The following MROH9 variants were observed in gnomAD, a reference collection of about 807,000 sequenced individuals.
MROH9 encodes the protein maestro heat like repeat family member 9, also known as maestro heat-like repeat-containing protein family member 9.
MROH9 carries 92 observed loss-of-function variants against 98.2 expected under a neutral mutation model. The observed-to-expected ratio is 0.94, with a 90% CI of 0.79 to 1.11. MROH9 has a LOEUF of 1.11. MROH9 is among the 50% of genes most tolerant of loss of function. The probability of loss-of-function intolerance (pLI) is 0.00; values close to 1 mark genes in which losing one functional copy is unlikely to be tolerated. For synonymous variants in MROH9, 397 were observed against 368.9 expected (o/e 1.08, Z -0.87); for missense variants, 1,057 against 1,014.8 (o/e 1.04, Z -0.57).
intron 15 of MROH9, among the ~76,000 whole-genome samples, chr1:171,009,715 A>T (rs1338854988): frequency 4.6e-5 from 7 of 152,316 alleles, no homozygotes; most frequent in African/African-American, 1.7e-4. Context: ...TCCATTTCTA[A>T]TGGTTTCTAA....
chr1:171,036,858 A>T lies in MROH9; in HGVS notation c.2281+11438A>T, dbSNP rs549013539. Among the ~76,000 whole-genome samples the T allele has an allele frequency of 6.0e-4, 91 of 151,890 alleles. 1 individual carries two copies. The highest frequency in any genetic ancestry group is 2.1e-3 in the African/African-American group (86 of 41,560). ...AACCCAAAGAATACATACTATTTATATATGGATGAAAGCAGACACTACTAA... is the reference window on the plus strand; with the variant it reads ...AACCCAAAGAATACATACTATTTATTTATGGATGAAAGCAGACACTACTAA... On this transcript the variant is annotated intron_variant, in intron 20 of 21. Coordinates refer to ENST00000367759, the MANE Select transcript of MROH9 (RefSeq NM_001163629.2).
At chr1:170,965,365 G>A in intron 7 of MROH9, 110 bp downstream of exon 7, 4 of 675,724 alleles carry the variant, frequency 5.9e-6, no homozygotes, top group East Asian at 5.4e-5. Flanking sequence ...TGGTATTATT[G>A]TACTGGTAGG....
At chr1:170,942,658 G>A (rs2101866172) in intron 1 of MROH9, among the ~76,000 whole-genome samples, 1 of 152,200 alleles carries the variant, frequency 6.6e-6, no homozygotes, top group East Asian at 1.9e-4. Flanking sequence ...TAGGACTTTT[G>A]TTCACATGTT....
intron 21 of MROH9, among the ~76,000 whole-genome samples, chr1:171,062,901 C>G (rs1221315056): frequency 6.6e-6 from 1 of 152,054 alleles, no homozygotes; most frequent in Non-Finnish European, 1.5e-5. Flanking sequence ...ATAGCCTCCC[C>G]CATTATCGAC....
intron 12 of MROH9, 116 bp downstream of exon 12, chr1:170,992,445 C>A: frequency 1.9e-6 from 2 of 1,032,910 alleles, no homozygotes; most frequent in Non-Finnish European, 1.4e-6. Context: ...CTCATGCATC[C>A]ATTCATGCAA....
chr1:170,959,610 T>C lies in MROH9; in HGVS notation c.288+13T>C. ...TGAGGACATGGAGGTAAAATTTTTC[T>C]TCCTTTAATCATTATAGGATGTTAT... On this transcript the variant is annotated intron_variant, in intron 5 of 21. Coordinates refer to ENST00000367759, the MANE Select transcript of MROH9 (RefSeq NM_001163629.2). The C allele has an allele frequency of 2.5e-6, 4 of 1,609,714 alleles. No individual in the cohort carries two copies. Among genetic ancestry groups the C allele is most frequent in the Non-Finnish European group, 2.5e-6 (3 of 1,178,216 alleles).
chr1:170,991,303 C>A (rs77469498), intron 11 of MROH9, among the ~76,000 whole-genome samples: 6,920 of 152,018 alleles, frequency 0.046, 229 homozygotes, highest in Non-Finnish European at 0.068. Flanking sequence ...GAGGTATGAA[C>A]AAGTGGTAAG....
intron 20 of MROH9, among the ~76,000 whole-genome samples, chr1:171,047,623 A>G (rs185943374): frequency 4.5e-4 from 68 of 152,286 alleles, no homozygotes; most frequent in African/African-American, 1.6e-3. Context: ...TCTGTGTGAA[A>G]GGTCACATGT....
intron 20 of MROH9, among the ~76,000 whole-genome samples, chr1:171,061,464 C>T (rs1218074555): frequency 6.6e-6 from 1 of 152,112 alleles, no homozygotes; most frequent in East Asian, 1.9e-4. Flanking sequence ...ACACAAACGC[C>T]CATCAACAGC....
rs1405744645 is a variant in MROH9, at chr1:170,998,260, A to AGTG, written c.1582_1583insGTG (p.Ile528delinsSerVal). 1.9e-6 allele frequency: 3 copies of AGTG among 1,613,500 alleles called. No homozygotes were observed. The East Asian group carries it at 6.7e-5, about 36-fold the overall frequency. ...GTCAGAAGACACTGTCATCGTATTAATATTCCTCACTGAAGTGAGTTTTGT... is the reference window on the plus strand; with the variant it reads ...GTCAGAAGACACTGTCATCGTATTAAGTGTATTCCTCACTGAAGTGAGTTTTGT... On this transcript the variant is annotated protein_altering_variant, in exon 15 of 22. Coordinates refer to ENST00000367759, the MANE Select transcript of MROH9 (RefSeq NM_001163629.2).
chr1:170,972,761 G>A (rs1476200545), intron 8 of MROH9, among the ~76,000 whole-genome samples: 8 of 149,112 alleles, frequency 5.4e-5, no homozygotes, highest in African/African-American at 7.4e-5. Flanking sequence ...ACAGTGAGCC[G>A]AGATCATGCC....
intron 8 of MROH9, among the ~76,000 whole-genome samples, chr1:170,972,829 T>TACACAC (rs3980699): frequency 0.2 from 26,339 of 128,532 alleles, 2,915 homozygotes; most frequent in Middle Eastern, 0.3. Context: ...AAAAAAAAAA[T>TACACAC]ACACACACAC....
At position 170,952,118 on chromosome 1, in the gene MROH9, G is replaced by A. The variant is rs944995654; in HGVS notation, c.72+4545G>A. Among the ~76,000 whole-genome samples, 4 of 152,010 alleles carry A rather than the reference G, an allele frequency of 2.6e-5. No homozygotes were observed. The East Asian group carries it at 5.8e-4, about 22-fold the overall frequency. On this transcript the variant is annotated intron_variant, in intron 3 of 21. Transcript: ENST00000367759. ...GGAAACAACAGGTGCTGGAGAGGAT[G>A]TGGAGAAATAGGAACACTTTTACAC...
intron 17 of MROH9, among the ~76,000 whole-genome samples, chr1:171,019,535 C>T (rs1652438147): frequency 6.6e-6 from 1 of 151,954 alleles, no homozygotes; most frequent in African/African-American, 2.4e-5. Flanking sequence ...GCCTGTAATC[C>T]CAGCTACTCG....
At chr1:171,037,857 C>T (rs2101855149) in intron 20 of MROH9, among the ~76,000 whole-genome samples, 1 of 152,112 alleles carries the variant, frequency 6.6e-6, no homozygotes, top group African/African-American at 2.4e-5. Flanking sequence ...TGTTAAATGA[C>T]ATTGGGACAC....
At chr1:171,004,345 T>C (rs1651880242) in intron 15 of MROH9, among the ~76,000 whole-genome samples, 1 of 152,164 alleles carries the variant, frequency 6.6e-6, no homozygotes, top group Admixed American at 6.5e-5. Flanking sequence ...CCTGCCCCTC[T>C]GGCCACCCTC....
At position 171,024,417 on chromosome 1, in the gene MROH9, T is replaced by C. The variant is rs1463046685; in HGVS notation, c.1931T>C (p.Met644Thr). 2.6e-6 allele frequency: 4 copies of C among 1,551,242 alleles called. No individual in the cohort carries two copies. The highest frequency in any genetic ancestry group is 1.4e-5 in the African/African-American group (1 of 72,976). Reference sequence around the variant, plus strand: ...CAGATTAATGGAGGCATTCGAAGTATGGCAATTCGACACTTTGGTCAATTA... The same window carrying C: ...CAGATTAATGGAGGCATTCGAAGTACGGCAATTCGACACTTTGGTCAATTA... ...MDHINGGIRS[M>T]AIRHFGQLVR... The change falls in exon 18 of 22, where the codon ATG becomes ACG. Residue 644 changes from methionine (M) to threonine (T), a missense_variant. By Grantham distance (81) the Met-to-Thr change is moderately conservative. Coordinates refer to ENST00000367759, the MANE Select transcript of MROH9 (RefSeq NM_001163629.2).
chr1:170,980,884 A>G lies in MROH9; in HGVS notation c.617-2538A>G, dbSNP rs548572134. Among the ~76,000 whole-genome samples the G allele has an allele frequency of 2.6e-5, 4 of 152,344 alleles. No individual in the cohort carries two copies. The East Asian group carries it at 5.8e-4, about 22-fold the overall frequency. On this transcript the variant is annotated intron_variant, in intron 8 of 21. Coordinates refer to ENST00000367759, the MANE Select transcript of MROH9 (RefSeq NM_001163629.2). ...CAATCTATCCATGTGACAAAGGTCTAATATGCAGAATTTACAGGGAACTTA... is the reference window on the plus strand; with the variant it reads ...CAATCTATCCATGTGACAAAGGTCTGATATGCAGAATTTACAGGGAACTTA...
intron 1 of MROH9, among the ~76,000 whole-genome samples, chr1:170,941,082 T>C (rs1259221369): frequency 6.6e-6 from 1 of 152,210 alleles, no homozygotes; most frequent in Non-Finnish European, 1.5e-5. Context: ...TACACTCCAT[T>C]GATCTCCTGA....
Sources: gnomAD v4.1 joint callset for allele counts (sites outside exome capture counted in the v4.1 genomes callset) on GRCh38, gnomAD v4.1.1 for gene constraint, MANE v1.5 for transcripts, NCBI Gene and HGNC (gene_info 2026-07-23, HGNC 2026-07-21) for gene names.